PCDHGB6: variants seen among roughly 807,000 people sequenced by gnomAD.
The protein encoded by PCDHGB6 is protocadherin gamma subfamily B, 6.
A neutral mutation model predicts 59.1 loss-of-function variants in PCDHGB6; 51 were observed. The ratio of observed to expected loss-of-function variants is 0.86; its 90% CI spans 0.69 to 1.09. PCDHGB6 has a LOEUF of 1.09. Among genes scored for constraint, PCDHGB6 ranks in the 50% least tolerant of loss-of-function variants. The pLI, the probability that PCDHGB6 is intolerant of heterozygous loss-of-function variation, is 0.00. For synonymous variants in PCDHGB6, 466 were observed against 495.1 expected, an observed-to-expected ratio of 0.94 and a Z score of 0.78; for missense variants, 1,148 against 1,205.1, an observed-to-expected ratio of 0.95 and a Z score of 0.70.
chr5:141,415,499 C>G (rs2095876120), intron 1 of PCDHGB6: 1 of 1,614,098 alleles, frequency 6.2e-7, no homozygotes, highest in Non-Finnish European at 8.5e-7. Context: ...CTGATCTTCC[C>G]CCAGCCCAAT....
chr5:141,476,123 C>G lies in PCDHGB6; in HGVS notation c.2419-18684C>G. Reference sequence around the variant, plus strand: ...GGAACTGCTTTTGAGTGAGATGGTCCCAGAGGCCTGGAGGAGCGGACTGGT... The same window carrying G: ...GGAACTGCTTTTGAGTGAGATGGTCGCAGAGGCCTGGAGGAGCGGACTGGT... On this transcript the variant is annotated intron_variant, in intron 1 of 3. Coordinates refer to ENST00000520790, the MANE Select transcript of PCDHGB6 (RefSeq NM_018926.3). This position sits in a 1 kb window ranked among gnomAD's most constrained non-coding sequence, Gnocchi z 7.6. 1 of 1,602,442 alleles carries G rather than the reference C, an allele frequency of 6.2e-7. No individual in the cohort carries two copies. The highest frequency in any genetic ancestry group is 8.5e-7 in the Non-Finnish European group (1 of 1,176,022).
intron 2 of PCDHGB6, 91 bp from the exon 3 acceptor site, chr5:141,505,302 G>T: frequency 6.3e-7 from 1 of 1,592,714 alleles, no homozygotes; most frequent in Non-Finnish European, 8.5e-7. Context: ...TAGGGTTAGG[G>T]TACTAGGTTT....
At chr5:141,507,865 T>C (rs2099864402) in intron 3 of PCDHGB6, among the ~76,000 whole-genome samples, 1 of 152,128 alleles carries the variant, frequency 6.6e-6, no homozygotes. Context: ...CACACCCGCT[T>C]CCTAGCCCTG....
chr5:141,511,118 C>T lies in PCDHGB6; in HGVS notation c.2738C>T (p.Ala913Val), dbSNP rs1352222210. 1.2e-6 allele frequency: 2 copies of T among 1,614,094 alleles called. No individual in the cohort carries two copies. The highest frequency in any genetic ancestry group is 1.7e-6 in the Non-Finnish European group (2 of 1,180,022). The change falls in exon 4 of 4, where the codon GCC (alanine) becomes GTC (valine). Residue 913 changes from alanine to valine, a missense_variant. Coordinates refer to ENST00000520790, the MANE Select transcript of PCDHGB6 (RefSeq NM_018926.3). ...GCAGCTGGCAAGCGGGATGGCAAGG[C>T]CCCAGCAGGTGGCAATGGCAACAAG... is the stretch of plus-strand genomic sequence containing the variant. ...TNAAGKRDGK[A>V]PAGGNGNKKK... is the part of the protein sequence containing the mutation.
Position 141,415,335 on chromosome 5 carries a change from G to T in PCDHGB6, c.2418+4715G>T, listed in dbSNP as rs779617513. On this transcript the variant is annotated intron_variant, in intron 1 of 3. Coordinates refer to ENST00000520790, the MANE Select transcript of PCDHGB6 (RefSeq NM_018926.3). ...TCATCGTGCTGCTGGCGCACAGGCT[G>T]CGGCGCTGGCACAAGTCACGCCTGC... The T allele has an allele frequency of 4.3e-6, 7 of 1,614,110 alleles. No homozygotes were observed. The Admixed American group carries it at 1.2e-4, about 27-fold the overall frequency.
rs1471215172 is a variant in PCDHGB6 at position 141,511,840 on chromosome 5, TCTG to T, written c.*668_*670del. 1 of 156,722 alleles carries T rather than the reference TCTG, an allele frequency of 6.4e-6. No homozygotes were observed. Among genetic ancestry groups the T allele is most frequent in the African/African-American group, 2.4e-5 (1 of 41,448 alleles). The allele number at this position is 156,722 out of a possible 1,614,324, so 9.7% of individuals were successfully genotyped here. A position where few individuals can be genotyped will look rare whatever the true frequency, so the allele number is the denominator to read the frequency against. On this transcript the variant is annotated 3_prime_UTR_variant, in exon 4 of 4. Coordinates refer to ENST00000520790, the MANE Select transcript of PCDHGB6 (RefSeq NM_018926.3). ...TTCCCAACGCCCTGGGGACCAGTCTTCTGTTTTGTTTTTCATTGTTTGACGTTT... is the reference window on the plus strand; with the variant it reads ...TTCCCAACGCCCTGGGGACCAGTCTTTTTTGTTTTTCATTGTTTGACGTTT...
At chr5:141,456,220 T>C (rs965297694) in intron 1 of PCDHGB6, among the ~76,000 whole-genome samples, 1 of 152,098 alleles carries the variant, frequency 6.6e-6, no homozygotes, top group Admixed American at 6.6e-5. Context: ...TGTGGCGATA[T>C]CAAACTAACT....
intron 1 of PCDHGB6, chr5:141,421,420 G>A: frequency 6.2e-7 from 1 of 1,614,084 alleles, no homozygotes; most frequent in Admixed American, 1.7e-5. Context: ...GAAGCGCGGA[G>A]TCCGCATCGT....
chr5:141,510,252 G>A (rs1342841474), intron 3 of PCDHGB6, among the ~76,000 whole-genome samples: 4 of 148,432 alleles, frequency 2.7e-5, no homozygotes, highest in Admixed American at 1.3e-4. Context: ...CAGGCTGGGC[G>A]ACAGAGCAGG....
intron 1 of PCDHGB6, among the ~76,000 whole-genome samples, chr5:141,461,054 T>C (rs984461416): frequency 6.6e-6 from 1 of 151,758 alleles, no homozygotes; most frequent in African/African-American, 2.4e-5. Context: ...GGGACTTAGG[T>C]TGGTTTCACA....
chr5:141,419,304 G>T, intron 1 of PCDHGB6: 1 of 1,613,994 alleles, frequency 6.2e-7, no homozygotes, highest in Non-Finnish European at 8.5e-7. Context: ...CCAGACTTCG[G>T]GCTCAACGGC....
chr5:141,481,895 A>G (rs1285005477), intron 1 of PCDHGB6, among the ~76,000 whole-genome samples: 2 of 147,522 alleles, frequency 1.4e-5, no homozygotes, highest in Non-Finnish European at 3.0e-5. Context: ...GCCTGGGTGA[A>G]AGAGCGAAAC....
intron 1 of PCDHGB6, chr5:141,423,074 G>T (rs2096705802): frequency 6.2e-7 from 1 of 1,614,006 alleles, no homozygotes; most frequent in African/African-American, 1.3e-5. Flanking sequence ...AGCGAGCCGG[G>T]ACTCTTCGCG....
Position 141,487,295 on chromosome 5 carries a change from T to C in PCDHGB6, c.2419-7512T>C, listed in dbSNP as rs2099642474. The C allele has an allele frequency of 5.6e-6, 9 of 1,614,164 alleles. No individual in the cohort carries two copies. In the East Asian group the frequency reaches 1.3e-4, roughly 24 times the overall value. ...AATTTGCTTTGTCTCCTTTGGCTCA[T>C]TCGTGGCACTACTCTCTAAGTGTCT... On this transcript the variant is annotated intron_variant, in intron 1 of 3. Transcript: ENST00000520790. This position sits in a 1 kb window ranked among gnomAD's most constrained non-coding sequence, Gnocchi z 5.0.
At chr5:141,420,327 A>G in intron 1 of PCDHGB6, 1 of 1,425,478 alleles carries the variant, frequency 7.0e-7, no homozygotes, top group South Asian at 1.5e-5. Context: ...ATGCCAATAT[A>G]TTCCAATATA....
intron 1 of PCDHGB6, among the ~76,000 whole-genome samples, chr5:141,488,553 T>C (rs2099676887): frequency 6.6e-6 from 1 of 152,166 alleles, no homozygotes; most frequent in South Asian, 2.1e-4. Flanking sequence ...TCAGCTGACA[T>C]TGAGATTTCC....
At chr5:141,481,592 C>T (rs765060653) in intron 1 of PCDHGB6, among the ~76,000 whole-genome samples, 2 of 152,112 alleles carry the variant, frequency 1.3e-5, no homozygotes, top group East Asian at 1.9e-4. Context: ...CTGAGGCCAG[C>T]GGATCACCTG....
intron 1 of PCDHGB6, chr5:141,478,227 G>A: frequency 6.2e-7 from 1 of 1,614,104 alleles, no homozygotes; most frequent in Non-Finnish European, 8.5e-7. Context: ...GTTTCTGTGG[G>A]GTTTGTGGTC....
At chr5:141,505,673 G>C (rs1389292278) in intron 3 of PCDHGB6, among the ~76,000 whole-genome samples, 192 bp downstream of exon 3, 1 of 152,178 alleles carries the variant, frequency 6.6e-6, no homozygotes, top group East Asian at 1.9e-4. Context: ...AGGGGTTGGG[G>C]GTCCTGGGAT....
Sources: allele counts gnomAD v4.1 joint callset (sites outside exome capture counted in the v4.1 genomes callset), GRCh38; gene constraint gnomAD v4.1.1; non-coding constraint Gnocchi (gnomAD v3.1); transcripts MANE v1.5; gene names NCBI Gene and HGNC (gene_info 2026-07-23, HGNC 2026-07-21).